Variants in ANKRD31 observed in about 807,000 individuals in gnomAD.
ANKRD31 encodes the protein ankyrin repeat domain-containing protein 31.
Under a neutral mutation model 186.0 loss-of-function variants are expected in ANKRD31, and 147 were observed. That is an observed-to-expected ratio of 0.79 (90% CI 0.69 to 0.91). The LOEUF (loss-of-function observed/expected upper bound fraction) is 0.91, where lower values mean the gene tolerates loss of function less well. Among genes scored for constraint, ANKRD31 ranks in the 40% least tolerant of loss-of-function variants. The probability of loss-of-function intolerance (pLI) is 0.00; values close to 1 mark genes in which losing one functional copy is unlikely to be tolerated. For synonymous variants in ANKRD31, 673 were observed against 736.4 expected, an observed-to-expected ratio of 0.91 and a Z score of 1.39; for missense variants, 1,986 against 2,148.8, an observed-to-expected ratio of 0.92 and a Z score of 1.50.
chr5:75,117,198 G>A (rs1332118144), intron 18 of ANKRD31, among the ~76,000 whole-genome samples: 3 of 152,092 alleles, frequency 2.0e-5, no homozygotes, highest in Non-Finnish European at 4.4e-5. Context: ...CAGTAGATAT[G>A]TGGGAATAGA....
In ANKRD31 at chr5:75,169,122, C is replaced by T. The variant is rs767546706; in HGVS notation, c.1565-1G>A. The T allele has an allele frequency of 6.5e-7, 1 of 1,534,472 alleles. No homozygotes were observed. On this transcript the variant is annotated splice_acceptor_variant, in intron 10 of 25. Transcript: ENST00000506364. LOFTEE classifies it high-confidence loss of function. ...CTAGCTTCATGAAGTGCTGTCCAAC[C>T]TATCATACAAAAAGATACGGCATTT...
intron 1 of ANKRD31, among the ~76,000 whole-genome samples, chr5:75,233,848 T>C (rs1337927868): frequency 6.6e-6 from 1 of 151,980 alleles, no homozygotes; most frequent in Non-Finnish European, 1.5e-5. Context: ...CCTGGGTGGA[T>C]GGAAGCTGCC....
chr5:75,229,103 A>C (rs1382367843), intron 2 of ANKRD31, among the ~76,000 whole-genome samples: 1 of 152,240 alleles, frequency 6.6e-6, no homozygotes, highest in East Asian at 1.9e-4. Flanking sequence ...ATAAAGAGAA[A>C]CAACCTACCA....
intron 17 of ANKRD31, among the ~76,000 whole-genome samples, chr5:75,120,030 A>G (rs1385380280): frequency 6.6e-6 from 1 of 152,184 alleles, no homozygotes; most frequent in Non-Finnish European, 1.5e-5. Flanking sequence ...GGTTGCTCTG[A>G]GTAACTCTTA....
intron 12 of ANKRD31, among the ~76,000 whole-genome samples, chr5:75,149,595 T>C (rs972645223): frequency 2.6e-5 from 4 of 151,906 alleles, no homozygotes; most frequent in Non-Finnish European, 4.4e-5. Context: ...ATCCAGAGTT[T>C]CAGTCTTGAT....
rs1561550205 is a variant in ANKRD31, at chr5:75,224,174, TATATAC to T, written c.179-1822_179-1817del. Among the ~76,000 whole-genome samples the T allele has an allele frequency of 1.0e-3, 123 of 117,904 alleles. 4 individuals are homozygous for T. Among genetic ancestry groups the T allele is most frequent in the African/African-American group, 4.1e-3 (107 of 26,334 alleles). 77.3% of individuals were successfully genotyped at this position (117,904 alleles called of 152,430 possible). ...ATATATATATATGTATATATATATA[TATATAC>T]ACACATTTCTTCCATTAGAATTCCA... On this transcript the variant is annotated intron_variant, in intron 2 of 25. Coordinates refer to ENST00000506364, the MANE Select transcript of ANKRD31 (RefSeq NM_001372053.1).
At chr5:75,166,683 T>C (rs1348687599) in intron 11 of ANKRD31, among the ~76,000 whole-genome samples, 1 of 152,222 alleles carries the variant, frequency 6.6e-6, no homozygotes, top group African/African-American at 2.4e-5. Context: ...TTCAATGCCA[T>C]TACCTTTACC....
In ANKRD31 at chr5:75,167,072, T is replaced by C. The variant is rs111895473; in HGVS notation, c.1707+1907A>G. The stretch of plus-strand genomic sequence containing the variant: ...TAAAAGAAACCCTTTAACCATTAGT[T>C]GTCACTCACCATTCCCCACCCTCTA... On this transcript the variant is annotated intron_variant, in intron 11 of 25. Transcript: ENST00000506364. 3.0e-3 allele frequency among the ~76,000 whole-genome samples: 459 copies of C among 152,248 alleles called. 3 individuals are homozygous for C. The highest frequency in any genetic ancestry group is 9.8e-3 in the African/African-American group (409 of 41,546).
intron 3 of ANKRD31, 97 bp downstream of exon 3, chr5:75,222,152 A>C (rs1757339455): frequency 1.1e-5 from 10 of 878,064 alleles, no homozygotes; most frequent in Non-Finnish European, 1.6e-5. Flanking sequence ...AAAGAAGCAA[A>C]ATATAGACAA....
chr5:75,211,064 C>T (rs1398391260), intron 3 of ANKRD31, among the ~76,000 whole-genome samples, 199 bp from the exon 4 acceptor site: 2 of 152,104 alleles, frequency 1.3e-5, no homozygotes, highest in Non-Finnish European at 2.9e-5. Context: ...TAAGTATACT[C>T]ACACTGTTGT....
chr5:75,146,688 G>A lies in ANKRD31; in HGVS notation c.2723C>T (p.Thr908Ile). The A allele has an allele frequency of 6.5e-7, 1 of 1,536,142 alleles. No individual in the cohort carries two copies. Among genetic ancestry groups the A allele is most frequent in the Non-Finnish European group, 8.7e-7 (1 of 1,146,188 alleles). ...SDNDDDDDCS[T>I]SEKAITSKKV... ...TTTAGATGTTATAGCCTTCTCAGAG[G>A]TAGAGCAATCATCATCATCATCATT... The change falls in exon 14 of 26, where the codon ACC becomes ATC. Residue 908 changes from threonine (T) to isoleucine (I), a missense_variant. By Grantham distance (89) the Thr-to-Ile change is moderately conservative. Coordinates refer to ENST00000506364, the MANE Select transcript of ANKRD31 (RefSeq NM_001372053.1).
At chr5:75,112,942 T>C (rs1747902435) in intron 19 of ANKRD31, among the ~76,000 whole-genome samples, 2 of 152,206 alleles carry the variant, frequency 1.3e-5, no homozygotes, top group Admixed American at 6.6e-5. Flanking sequence ...TGCATACATA[T>C]AACAAGTTCA....
chr5:75,146,943 C>G lies in ANKRD31; in HGVS notation c.2468G>C (p.Cys823Ser). The change falls in exon 14 of 26, where the codon TGC becomes TCC. Residue 823 changes from cysteine (C) to serine (S), a missense_variant. Cys to Ser is a moderately radical substitution (Grantham distance 112, BLOSUM62 -1). Transcript: ENST00000506364. ...LDLSDSQEVQ[C>S]LELESVDQTE... ...TTGGTCAACAGATTCTAATTCCAAG[C>G]ATTGAACTTCTTGACTATCTGATAA... 6.5e-7 allele frequency: 1 copy of G among 1,536,284 alleles called. No homozygotes were observed. Among genetic ancestry groups the G allele is most frequent in the Non-Finnish European group, 8.7e-7 (1 of 1,146,300 alleles).
At chr5:75,182,954 G>A (rs1486044203) in intron 10 of ANKRD31, among the ~76,000 whole-genome samples, 1 of 152,026 alleles carries the variant, frequency 6.6e-6, no homozygotes, top group Admixed American at 6.6e-5. Flanking sequence ...AGGGGGAGGA[G>A]GTGCTTAAAA....
chr5:75,162,746 C>T (rs1014170834), intron 11 of ANKRD31, among the ~76,000 whole-genome samples: 1 of 152,022 alleles, frequency 6.6e-6, no homozygotes, highest in Non-Finnish European at 1.5e-5. Flanking sequence ...TTCTCCCATA[C>T]TGTTCTCATG....
At chr5:75,161,546 G>T (rs930561740) in intron 11 of ANKRD31, among the ~76,000 whole-genome samples, 2 of 152,178 alleles carry the variant, frequency 1.3e-5, no homozygotes, top group Non-Finnish European at 2.9e-5. Context: ...TTTCTGAGGA[G>T]AAATTCAAGT....
chr5:75,197,153 C>T (rs7721018), intron 6 of ANKRD31, among the ~76,000 whole-genome samples: 76,813 of 152,026 alleles, frequency 0.51, 22,340 homozygotes, highest in African/African-American at 0.81. Flanking sequence ...CTGCCTGCTT[C>T]GGCCTCCCAA....
chr5:75,126,915 G>A (rs1254710411), intron 17 of ANKRD31, among the ~76,000 whole-genome samples: 1 of 152,132 alleles, frequency 6.6e-6, no homozygotes, highest in Admixed American at 6.5e-5. Flanking sequence ...AATTGCCTTT[G>A]CACCATTGTT....
rs78063247 is a variant in ANKRD31 at position 75,085,850 on chromosome 5, G to A, written c.5473-1476C>T. Reference sequence around the variant, plus strand: ...TCTGGCATACTGTCTAGCACATTCCGAGTACTCAATAAATGTTAAATTGAA... The same window carrying A: ...TCTGGCATACTGTCTAGCACATTCCAAGTACTCAATAAATGTTAAATTGAA... On this transcript the variant is annotated intron_variant, in intron 23 of 25. Coordinates refer to ENST00000506364, the MANE Select transcript of ANKRD31 (RefSeq NM_001372053.1). Among the ~76,000 whole-genome samples the A allele has an allele frequency of 2.4e-3, 366 of 152,290 alleles. 7 individuals carry two copies. In the East Asian group the frequency reaches 0.061, roughly 25 times the overall value.
Sources: gnomAD v4.1 joint callset for allele counts (sites outside exome capture counted in the v4.1 genomes callset) on GRCh38, gnomAD v4.1.1 for gene constraint, MANE v1.5 for transcripts, NCBI Gene and HGNC (gene_info 2026-07-23, HGNC 2026-07-21) for gene names.